Variants in FOXO1 observed in about 807,000 individuals in gnomAD.
The protein encoded by FOXO1 is forkhead box O1, also known as forkhead box protein O1.
A neutral mutation model predicts 44.1 loss-of-function variants in FOXO1; 6 were observed. The observed-to-expected ratio is 0.14, with a 90% CI of 0.07 to 0.27. The LOEUF (loss-of-function observed/expected upper bound fraction) is 0.27, where lower values mean the gene tolerates loss of function less well. Ranked by LOEUF, FOXO1 falls within the 10% of genes least tolerant of loss-of-function variation. FOXO1 has a pLI of 1.00. For missense variants in FOXO1, 737 were observed against 888.8 expected (o/e 0.83, Z 2.17); for synonymous variants, 380 against 362.7 (o/e 1.05, Z -0.54).
chr13:40,603,727 G>C (rs1487387339), intron 1 of FOXO1, among the ~76,000 whole-genome samples: 1 of 152,174 alleles, frequency 6.6e-6, no homozygotes, highest in Non-Finnish European at 1.5e-5. Context: ...TACAGGGTCT[G>C]ACTGCAACTA....
intron 1 of FOXO1, among the ~76,000 whole-genome samples, chr13:40,660,177 G>T (rs73469056): frequency 0.014 from 2,183 of 152,268 alleles, 55 homozygotes; most frequent in African/African-American, 0.046. Flanking sequence ...ATCCTGGGGG[G>T]GCTGGGCAAG....
chr13:40,562,963 C>T lies in FOXO1; in HGVS notation c.631-2103G>A, dbSNP rs73463251. 2.9e-4 allele frequency among the ~76,000 whole-genome samples: 44 copies of T among 152,382 alleles called. 1 individual carries two copies. Among genetic ancestry groups the T allele is most frequent in the Middle Eastern group, 6.8e-3 (2 of 294 alleles). On this transcript the variant is annotated intron_variant, in intron 1 of 2. Coordinates refer to ENST00000379561, the MANE Select transcript of FOXO1 (RefSeq NM_002015.4). ...CCACTACACCTTGTTCATTCAGCAG[C>T]CTCTTTCCTCAGAGGTCTGCTCCCA...
intron 1 of FOXO1, among the ~76,000 whole-genome samples, chr13:40,642,809 C>G (rs528922181): frequency 2.9e-4 from 44 of 152,204 alleles, no homozygotes; most frequent in Non-Finnish European, 4.6e-4. Flanking sequence ...GTCCGAGCTA[C>G]TTCAGAGGCT....
chr13:40,590,688 A>T (rs1344106651), intron 1 of FOXO1, among the ~76,000 whole-genome samples: 1 of 152,190 alleles, frequency 6.6e-6, no homozygotes, highest in African/African-American at 2.4e-5. Context: ...GGAGATGTGG[A>T]GATATGCTGC....
chr13:40,604,488 A>T (rs1203084028), intron 1 of FOXO1, among the ~76,000 whole-genome samples: 1 of 152,170 alleles, frequency 6.6e-6, no homozygotes, highest in Non-Finnish European at 1.5e-5. Flanking sequence ...CTTATATTAG[A>T]ATGGATTCAT....
intron 1 of FOXO1, among the ~76,000 whole-genome samples, chr13:40,615,828 T>A (rs1348940837): frequency 6.6e-6 from 1 of 151,906 alleles, no homozygotes; most frequent in Non-Finnish European, 1.5e-5. Context: ...GAGAGGAAAA[T>A]GACGTCAGGA....
chr13:40,664,425 C>T (rs1484860013), intron 1 of FOXO1, among the ~76,000 whole-genome samples: 1 of 152,030 alleles, frequency 6.6e-6, no homozygotes, highest in Non-Finnish European at 1.5e-5. Context: ...CCCGGGCCTT[C>T]TCCTCGGAGT....
intron 1 of FOXO1, among the ~76,000 whole-genome samples, chr13:40,660,813 G>C (rs1014048968): frequency 2.0e-5 from 3 of 152,082 alleles, no homozygotes; most frequent in African/African-American, 7.2e-5. Flanking sequence ...GCAGTGGCTC[G>C]TGCCGATAAT....
At chr13:40,663,990 C>T (rs1189534499) in intron 1 of FOXO1, among the ~76,000 whole-genome samples, 2 of 152,200 alleles carry the variant, frequency 1.3e-5, no homozygotes, top group Non-Finnish European at 2.9e-5. Flanking sequence ...AGGTGTTTAG[C>T]TCGGCCGGGA....
In FOXO1 at chr13:40,557,617, T is replaced by C. The variant is rs1416297854; in HGVS notation, c.*1432A>G. The C allele has an allele frequency of 6.6e-6, 1 of 152,256 alleles. No individual in the cohort carries two copies. Among genetic ancestry groups the C allele is most frequent in the African/African-American group, 2.4e-5 (1 of 41,460 alleles). 9.4% of individuals were successfully genotyped at this position (152,256 alleles called of 1,614,324 possible). A position where few individuals can be genotyped will look rare whatever the true frequency, so the allele number is the denominator to read the frequency against. ...CCACAGTGTGCTAAGTAATCTAATC[T>C]GCAGGGCAGAAGGGAGAATGAGATG... On this transcript the variant is annotated 3_prime_UTR_variant, in exon 3 of 3. Transcript: ENST00000379561.
chr13:40,634,642 G>A (rs1400557980), intron 1 of FOXO1, among the ~76,000 whole-genome samples: 3 of 151,450 alleles, frequency 2.0e-5, no homozygotes, highest in East Asian at 1.9e-4. Flanking sequence ...ACCCTGTCTC[G>A]ACAACAACAA....
chr13:40,622,287 G>A (rs1309798650), intron 1 of FOXO1, among the ~76,000 whole-genome samples: 2 of 152,132 alleles, frequency 1.3e-5, no homozygotes, highest in African/African-American at 4.8e-5. Context: ...TTCACTTGGA[G>A]GCTAAATATT....
At chr13:40,618,922 A>G (rs1876514791) in intron 1 of FOXO1, 1 of 526,662 alleles carries the variant, frequency 1.9e-6, no homozygotes, top group African/African-American at 1.9e-5. Flanking sequence ...CTAGAGAAAT[A>G]ACATCAGAAG....
intron 1 of FOXO1, among the ~76,000 whole-genome samples, chr13:40,630,372 C>A (rs1439030816): frequency 6.6e-6 from 1 of 152,012 alleles, no homozygotes; most frequent in African/African-American, 2.4e-5. Flanking sequence ...ATGGAAAAAC[C>A]AGCCTGGTGC....
intron 1 of FOXO1, among the ~76,000 whole-genome samples, chr13:40,643,999 T>A (rs1243161409): frequency 6.6e-6 from 1 of 152,186 alleles, no homozygotes; most frequent in Non-Finnish European, 1.5e-5. Context: ...TCCTAATATT[T>A]ACTGCAAAAT....
chr13:40,653,135 A>T (rs1042112986), intron 1 of FOXO1, among the ~76,000 whole-genome samples: 2 of 151,854 alleles, frequency 1.3e-5, no homozygotes, highest in African/African-American at 4.8e-5. Flanking sequence ...ACGCCTGGCT[A>T]ATTTTTGTGT....
At chr13:40,662,623 CA>C (rs1338564867) in intron 1 of FOXO1, among the ~76,000 whole-genome samples, 2 of 152,296 alleles carry the variant, frequency 1.3e-5, no homozygotes, top group African/African-American at 4.8e-5. Flanking sequence ...TAAAGAATGA[CA>C]TTAAAAGTTT....
chr13:40,643,288 G>A (rs1462916098), intron 1 of FOXO1, among the ~76,000 whole-genome samples: 1 of 150,094 alleles, frequency 6.7e-6, no homozygotes, highest in Non-Finnish European at 1.5e-5. Context: ...GATGCAGTGA[G>A]TCAAGATCGC....
At position 40,560,930 on chromosome 13, in the gene FOXO1, T is replaced by C. The variant is rs1873987944; in HGVS notation, c.631-70A>G. The C allele has an allele frequency of 4.2e-6, 6 of 1,439,802 alleles. No homozygotes were observed. Among genetic ancestry groups the C allele is most frequent in the Non-Finnish European group, 9.3e-7 (1 of 1,071,052 alleles). The allele number at this position is 1,439,802 out of a possible 1,614,324, so 89.2% of individuals were successfully genotyped here. A position where few individuals can be genotyped will look rare whatever the true frequency, so the allele number is the denominator to read the frequency against. On this transcript the variant is annotated intron_variant, in intron 1 of 2. Transcript: ENST00000379561. The surrounding 1 kb of genome is among the most constrained non-coding windows in gnomAD (Gnocchi z 5.1). ...TGCAAAACTTCCTATTCTACATGTA[T>C]TACATGGAAAACAAGTAAAAAATCT...
Sources: gnomAD v4.1 joint callset for allele counts (sites outside exome capture counted in the v4.1 genomes callset) on GRCh38, gnomAD v4.1.1 for gene constraint, Gnocchi (gnomAD v3.1) non-coding constraint, MANE v1.5 for transcripts, NCBI Gene and HGNC (gene_info 2026-07-23, HGNC 2026-07-21) for gene names.